The following RMDN2 variants were observed in gnomAD, a reference collection of about 807,000 sequenced individuals.
The protein encoded by RMDN2 is regulator of microtubule dynamics 2, also known as regulator of microtubule dynamics protein 2.
A neutral mutation model predicts 52.8 loss-of-function variants in RMDN2; 61 were observed. The observed-to-expected ratio is 1.16, with a 90% CI of 0.94 to 1.43. The LOEUF is 1.43. Ranked by LOEUF, RMDN2 falls within the 40% of genes most tolerant of loss-of-function variation. The probability of loss-of-function intolerance (pLI) is 0.00; values close to 1 mark genes in which losing one functional copy is unlikely to be tolerated. For synonymous variants in RMDN2, 180 were observed against 153.1 expected (o/e 1.18, Z -1.30); for missense variants, 592 against 475.3 (o/e 1.25, Z -2.28).
At chr2:37,948,367 G>C (rs1475432121) in intron 2 of RMDN2, among the ~76,000 whole-genome samples, 1 of 152,138 alleles carries the variant, frequency 6.6e-6, no homozygotes, top group African/African-American at 2.4e-5. Context: ...TAAACAAAAG[G>C]TTCATTGGGC....
intron 10 of RMDN2, among the ~76,000 whole-genome samples, chr2:38,009,774 A>G (rs569583629): frequency 6.6e-6 from 1 of 152,226 alleles, no homozygotes; most frequent in Admixed American, 6.5e-5. Context: ...CCTTTGGAGG[A>G]GGAGAGGCGC....
intron 2 of RMDN2, among the ~76,000 whole-genome samples, chr2:37,938,663 T>C (rs973772974): frequency 6.6e-6 from 1 of 152,196 alleles, no homozygotes; most frequent in African/African-American, 2.4e-5. Flanking sequence ...TTCTTGTAGA[T>C]TTTCTAGTTT....
chr2:37,991,195 A>AT, intron 6 of RMDN2, 25 bp from the exon 7 acceptor site: 1 of 1,421,594 alleles, frequency 7.0e-7, no homozygotes, highest in Admixed American at 2.0e-5. Context: ...TTGGGAGATG[A>AT]TTTTCCTTTG....
intron 2 of RMDN2, among the ~76,000 whole-genome samples, chr2:37,970,306 C>A (rs1671627324): frequency 6.6e-6 from 1 of 152,092 alleles, no homozygotes; most frequent in African/African-American, 2.4e-5. Context: ...TTGGTAATGA[C>A]TGAATTGATC....
intron 2 of RMDN2, among the ~76,000 whole-genome samples, chr2:37,934,134 C>T (rs1161542535): frequency 1.3e-5 from 2 of 152,130 alleles, no homozygotes; most frequent in Non-Finnish European, 2.9e-5. Flanking sequence ...AAGATTTTTA[C>T]TTCTTTTCAA....
intron 2 of RMDN2, among the ~76,000 whole-genome samples, chr2:37,969,960 T>G (rs1671574946): frequency 6.6e-6 from 1 of 152,006 alleles, no homozygotes; most frequent in Non-Finnish European, 1.5e-5. Context: ...TTCAACAGTT[T>G]CTTACTCTGT....
chr2:38,065,202 G>C (rs1338467267), intron 10 of RMDN2, among the ~76,000 whole-genome samples: 1 of 152,094 alleles, frequency 6.6e-6, no homozygotes, highest in Non-Finnish European at 1.5e-5. Flanking sequence ...GCTGAGAAAA[G>C]ATTAAGCAAC....
At chr2:37,979,779 G>T (rs766532018) in intron 4 of RMDN2, among the ~76,000 whole-genome samples, 14 of 152,018 alleles carry the variant, frequency 9.2e-5, no homozygotes, top group Non-Finnish European at 2.1e-4. Flanking sequence ...TTGGAGTGAT[G>T]GAATCACTTC....
chr2:38,058,858 T>C (rs1681938540), intron 10 of RMDN2, among the ~76,000 whole-genome samples: 2 of 152,202 alleles, frequency 1.3e-5, no homozygotes, highest in Non-Finnish European at 2.9e-5. Flanking sequence ...CTCCTTTCCT[T>C]GAAGCACATT....
At chr2:37,987,831 G>C (rs1246202568) in intron 5 of RMDN2, among the ~76,000 whole-genome samples, 3 of 152,082 alleles carry the variant, frequency 2.0e-5, no homozygotes, top group African/African-American at 7.2e-5. Context: ...GGTCGAGGTG[G>C]GCAGATCACC....
intron 10 of RMDN2, among the ~76,000 whole-genome samples, chr2:38,016,744 A>G (rs1678844715): frequency 6.6e-6 from 1 of 152,168 alleles, no homozygotes; most frequent in African/African-American, 2.4e-5. Context: ...TACACCCTTC[A>G]GGCAAAGCTC....
intron 10 of RMDN2, among the ~76,000 whole-genome samples, chr2:38,004,705 T>C (rs1249013233): frequency 1.3e-5 from 2 of 152,064 alleles, no homozygotes; most frequent in African/African-American, 2.4e-5. Context: ...CTTTTTTTTT[T>C]TATTATACTT....
chr2:38,043,572 C>T (rs915870103), intron 10 of RMDN2, among the ~76,000 whole-genome samples: 3 of 151,830 alleles, frequency 2.0e-5, no homozygotes, highest in Non-Finnish European at 2.9e-5. Flanking sequence ...CTTTTTTCAT[C>T]TTCCCCTCTT....
rs11687301 is a variant in RMDN2, at chr2:37,950,382, A to T, written c.452+20653A>T. The stretch of plus-strand genomic sequence containing the variant: ...CCAACTTCGGAGAAAGGTGAGCTAC[A>T]GAACAGTTCTAATATAAACTGATGT... On this transcript the variant is annotated intron_variant, in intron 2 of 10. Transcript: ENST00000354545. The T allele has an allele frequency of 1.2e-5, 18 of 1,496,522 alleles. 1 individual carries two copies. The highest frequency in any genetic ancestry group is 7.2e-5 in the Admixed American group (4 of 55,696). The allele number at this position is 1,496,522 out of a possible 1,614,324, so 92.7% of individuals were successfully genotyped here. A position where few individuals can be genotyped will look rare whatever the true frequency, so the allele number is the denominator to read the frequency against.
At chr2:37,921,443 T>C (rs894057426), upstream of RMDN2, among the ~76,000 whole-genome samples, 3 of 152,192 alleles carry the variant, frequency 2.0e-5, no homozygotes, top group African/African-American at 7.2e-5. Context: ...TAGCCTAACC[T>C]GAATATCATA....
intron 5 of RMDN2, among the ~76,000 whole-genome samples, chr2:37,986,865 T>C (rs1674091494): frequency 6.6e-6 from 1 of 152,054 alleles, no homozygotes; most frequent in East Asian, 1.9e-4. Flanking sequence ...GCTAACATTA[T>C]ACTTAATGGT....
intron 5 of RMDN2, among the ~76,000 whole-genome samples, chr2:37,986,766 C>CT: frequency 6.6e-6 from 1 of 152,088 alleles, no homozygotes; most frequent in Non-Finnish European, 1.5e-5. Context: ...TCTCAGCAAA[C>CT]TAGCAAACTC....
At chr2:38,029,488 C>G (rs1680023879) in intron 10 of RMDN2, 1 of 151,892 alleles carries the variant, frequency 6.6e-6, no homozygotes, top group Non-Finnish European at 1.5e-5. Context: ...AACGTGAGGA[C>G]AAGGACCTCA....
chr2:38,026,001 T>A (rs754160205), intron 10 of RMDN2, among the ~76,000 whole-genome samples: 4 of 152,088 alleles, frequency 2.6e-5, no homozygotes, highest in Non-Finnish European at 5.9e-5. Context: ...TCATTTTCCT[T>A]AAAAACTATG....
Sources: gnomAD v4.1 joint callset for allele counts (sites outside exome capture counted in the v4.1 genomes callset) on GRCh38, gnomAD v4.1.1 for gene constraint, MANE v1.5 for transcripts, NCBI Gene and HGNC (gene_info 2026-07-23, HGNC 2026-07-21) for gene names.